The following TRMT9B variants were observed in gnomAD, a reference collection of about 807,000 sequenced individuals.
TRMT9B encodes the protein tRNA methyltransferase 9B (putative).
Under a neutral mutation model 11.5 loss-of-function variants are expected in TRMT9B, and 16 were observed. The observed-to-expected ratio is 1.39, with a 90% CI of 0.94 to 2.11. The LOEUF is 2.11. Ranked by LOEUF, TRMT9B falls within the 30% of genes most tolerant of loss-of-function variation. The pLI, the probability that TRMT9B is intolerant of heterozygous loss-of-function variation, is 0.00. For synonymous variants in TRMT9B, 274 were observed against 192.4 expected (o/e 1.42, Z -3.51); for missense variants, 941 against 553.8 (o/e 1.70, Z -7.02).
At position 13,020,285 on chromosome 8, in the gene TRMT9B, CCT is replaced by C. The variant is rs1442681327; in HGVS notation, c.329-721_329-720del. Among the ~76,000 whole-genome samples the C allele has an allele frequency of 2.0e-5, 3 of 152,200 alleles. No homozygotes were observed. In the East Asian group the frequency reaches 5.8e-4, roughly 29 times the overall value. On this transcript the variant is annotated intron_variant, in intron 4 of 4. Transcript: ENST00000524591. ...TTGACACAATACCGTGATTATACTC[CCT>C]CAAAAACTAACAGACTAGCACTTTT...
Position 13,012,991 on chromosome 8 carries a change from T to A in TRMT9B, c.328+134T>A, listed in dbSNP as rs896777693. 1.5e-5 allele frequency: 17 copies of A among 1,151,880 alleles called. No homozygotes were observed. The African/African-American group carries it at 2.2e-4, about 15-fold the overall frequency. The allele number at this position is 1,151,880 out of a possible 1,614,324, so 71.4% of individuals were successfully genotyped here. A position where few individuals can be genotyped will look rare whatever the true frequency, so the allele number is the denominator to read the frequency against. On this transcript the variant is annotated intron_variant, in intron 4 of 4. Coordinates refer to ENST00000524591, the MANE Select transcript of TRMT9B (RefSeq NM_020844.3). ...TATTTTATCTAATTTAAAAAAATTG[T>A]TTCAACTACTTGACTGATTTGACTT... is the stretch of plus-strand genomic sequence containing the variant.
At chr8:12,978,620 G>C (rs1438564044) in intron 1 of TRMT9B, among the ~76,000 whole-genome samples, 1 of 152,182 alleles carries the variant, frequency 6.6e-6, no homozygotes, top group Non-Finnish European at 1.5e-5. Context: ...CTCTTCTCCA[G>C]ATTGTTTCTG....
Position 13,016,495 on chromosome 8 carries a change from T to C in TRMT9B, c.328+3638T>C, listed in dbSNP as rs534573279. ...TACTTCTCTATTTAAAGTTCTTATG[T>C]TGGCACTTCCTGCTTAACAGGAAGA... On this transcript the variant is annotated intron_variant, in intron 4 of 4. Transcript: ENST00000524591. 7.3e-5 allele frequency among the ~76,000 whole-genome samples: 11 copies of C among 151,100 alleles called. No individual in the cohort carries two copies. The South Asian group carries it at 2.1e-3, about 29-fold the overall frequency.
Position 12,962,688 on chromosome 8 carries a change from G to A in TRMT9B, c.-200+16722G>A, listed in dbSNP as rs151199724. 2.0e-3 allele frequency among the ~76,000 whole-genome samples: 300 copies of A among 152,064 alleles called. 1 individual carries two copies. Among genetic ancestry groups the A allele is most frequent in the African/African-American group, 5.7e-3 (237 of 41,482 alleles). ...ATATTTTTTGTAGAGACGGGGTCTC[G>A]CTATGTTGTCCAGGCTGGTCTGGAA... On this transcript the variant is annotated intron_variant, in intron 1 of 4. Coordinates refer to ENST00000524591, the MANE Select transcript of TRMT9B (RefSeq NM_020844.3).
chr8:12,964,035 C>T (rs1802488507), intron 1 of TRMT9B, among the ~76,000 whole-genome samples: 1 of 152,170 alleles, frequency 6.6e-6, no homozygotes, highest in Admixed American at 6.5e-5. Flanking sequence ...CTCTGATCTT[C>T]TCGTACATGA....
Position 13,022,076 on chromosome 8 carries a change from T to A in TRMT9B, c.*32T>A. ...CCTTTTAGACAACTCCTCCAAAAGA[T>A]GAACCACATTCTTTCCTCTTGGTTT... On this transcript the variant is annotated 3_prime_UTR_variant, in exon 5 of 5. Coordinates refer to ENST00000524591, the MANE Select transcript of TRMT9B (RefSeq NM_020844.3). 1 of 1,444,042 alleles carries A rather than the reference T, an allele frequency of 6.9e-7. No individual in the cohort carries two copies. Among genetic ancestry groups the A allele is most frequent in the Non-Finnish European group, 9.3e-7 (1 of 1,069,686 alleles). 89.5% of individuals were successfully genotyped at this position (1,444,042 alleles called of 1,614,324 possible).
intron 2 of TRMT9B, among the ~76,000 whole-genome samples, chr8:13,004,579 G>T (rs1209201015): frequency 1.3e-5 from 2 of 152,030 alleles, no homozygotes. Context: ...AAGGCAACCT[G>T]CTGTCTTGAA....
intron 1 of TRMT9B, among the ~76,000 whole-genome samples, chr8:12,961,047 A>G (rs997314472): frequency 6.6e-6 from 1 of 152,164 alleles, no homozygotes; most frequent in Non-Finnish European, 1.5e-5. Context: ...AGGCTGAGGC[A>G]GGAGAATCGC....
In TRMT9B at chr8:13,023,023, G is replaced by T. The variant is rs1270632818; in HGVS notation, c.*979G>T. 1 of 166,940 alleles carries T rather than the reference G, an allele frequency of 6.0e-6. No individual in the cohort carries two copies. The highest frequency in any genetic ancestry group is 1.5e-5 in the Non-Finnish European group (1 of 68,116). 10.3% of individuals were successfully genotyped at this position (166,940 alleles called of 1,614,324 possible). A position where few individuals can be genotyped will look rare whatever the true frequency, so the allele number is the denominator to read the frequency against. ...ATAATAATAAAGGCGTTGTTAGCTT[G>T]TAAGGAGTGGAGTATGTAGGTAGTA... On this transcript the variant is annotated 3_prime_UTR_variant, in exon 5 of 5. Transcript: ENST00000524591.
intron 2 of TRMT9B, among the ~76,000 whole-genome samples, chr8:13,002,270 C>G: frequency 6.6e-6 from 1 of 152,186 alleles, no homozygotes; most frequent in Non-Finnish European, 1.5e-5. Context: ...TACCACTTAA[C>G]ATTTCCAAGT....
In TRMT9B at chr8:13,021,990, G is replaced by A. The variant is rs369317486; in HGVS notation, c.1311G>A (p.Gly437=). ...NVSELRILSS[G]NDHGNWCIIA... is the part of the protein sequence containing the mutation. ...CAGAGCTCCGTATCCTGAGTTCTGG[G>A]AATGATCATGGTAACTGGTGTATCA... Residue 437 remains glycine, a synonymous_variant, in exon 5 of 5, where the codon GGG becomes GGA. Transcript: ENST00000524591. The A allele has an allele frequency of 6.2e-7, 1 of 1,612,664 alleles. No individual in the cohort carries two copies.
At chr8:13,011,785 T>C (rs899545193) in intron 3 of TRMT9B, 18 of 953,676 alleles carry the variant, frequency 1.9e-5, no homozygotes, top group Non-Finnish European at 2.2e-5. Flanking sequence ...AGTTGTATAC[T>C]GGACCCATAG....
intron 1 of TRMT9B, among the ~76,000 whole-genome samples, chr8:12,980,137 C>A (rs1017019773): frequency 5.3e-5 from 8 of 152,160 alleles, no homozygotes; most frequent in African/African-American, 1.9e-4. Context: ...GAAATGTATT[C>A]TCTTGCAGCT....
At chr8:12,982,638 G>C (rs984621501) in intron 1 of TRMT9B, among the ~76,000 whole-genome samples, 1 of 151,722 alleles carries the variant, frequency 6.6e-6, no homozygotes, top group Non-Finnish European at 1.5e-5. Flanking sequence ...CTCCAGCCTG[G>C]GCAACAGAGA....
intron 3 of TRMT9B, chr8:13,010,884 C>T (rs1811463135): frequency 1.0e-6 from 1 of 967,080 alleles, no homozygotes; most frequent in African/African-American, 1.8e-5. Flanking sequence ...TACTTTTTCT[C>T]ATAATCATTA....
At position 12,990,903 on chromosome 8, in the gene TRMT9B, T is replaced by A. The variant is rs1196873159; in HGVS notation, c.-130T>A. On this transcript the variant is annotated 5_prime_UTR_variant, in exon 2 of 5. Coordinates refer to ENST00000524591, the MANE Select transcript of TRMT9B (RefSeq NM_020844.3). ...GAAGGACCGCACTATTTCATTTCAC[T>A]CCTACAAGTTTTCATTTACGTTACA... 1 of 1,289,428 alleles carries A rather than the reference T, an allele frequency of 7.8e-7. No individual in the cohort carries two copies. Among genetic ancestry groups the A allele is most frequent in the Non-Finnish European group, 1.0e-6 (1 of 988,624 alleles). The allele number at this position is 1,289,428 out of a possible 1,614,324, so 79.9% of individuals were successfully genotyped here.
At chr8:13,005,995 C>T (rs1413810628) in intron 2 of TRMT9B, among the ~76,000 whole-genome samples, 1 of 152,162 alleles carries the variant, frequency 6.6e-6, no homozygotes, top group African/African-American at 2.4e-5. Context: ...CTTAACATGG[C>T]AGGTAAAAAC....
At chr8:12,988,222 C>A (rs150230978) in intron 1 of TRMT9B, among the ~76,000 whole-genome samples, 2 of 152,176 alleles carry the variant, frequency 1.3e-5, no homozygotes, top group African/African-American at 4.8e-5. Flanking sequence ...TTCACTCCCC[C>A]TTCCCACTCC....
At chr8:12,978,527 G>C (rs1255438226) in intron 1 of TRMT9B, among the ~76,000 whole-genome samples, 1 of 109,146 alleles carries the variant, frequency 9.2e-6, no homozygotes, top group African/African-American at 2.8e-5. Context: ...ATGATAGATA[G>C]ATAGATAGAT....
Sources: gnomAD v4.1 joint callset for allele counts (sites outside exome capture counted in the v4.1 genomes callset) on GRCh38, gnomAD v4.1.1 for gene constraint, MANE v1.5 for transcripts, NCBI Gene and HGNC (gene_info 2026-07-23, HGNC 2026-07-21) for gene names.